The following SLC25A48 variants were observed in gnomAD, a reference collection of about 807,000 sequenced individuals.
SLC25A48 encodes the protein CTC-321K16.1.
SLC25A48 carries 29 observed loss-of-function variants against 32.2 expected under a neutral mutation model. That is an observed-to-expected ratio of 0.90 (90% confidence interval 0.67 to 1.23). SLC25A48 has a LOEUF of 1.23. Among genes scored for constraint, SLC25A48 ranks in the 50% most tolerant of loss-of-function variants. The pLI is 0.00. For missense variants in SLC25A48, 399 were observed against 422.7 expected (o/e 0.94, Z 0.49); for synonymous variants, 164 against 172.3 (o/e 0.95, Z 0.38).
chr5:135,707,517 C>T (rs1274384237), intron 3 of SLC25A48, among the ~76,000 whole-genome samples: 1 of 152,148 alleles, frequency 6.6e-6, no homozygotes, highest in South Asian at 2.1e-4. Flanking sequence ...AGACTCCCGC[C>T]GCCCCCGCCC....
chr5:135,579,847 C>T (rs1460852051), intron 1 of SLC25A48, among the ~76,000 whole-genome samples: 1 of 152,252 alleles, frequency 6.6e-6, no homozygotes, highest in African/African-American at 2.4e-5. Flanking sequence ...TGCCAGAATG[C>T]GAGGTATAGT....
intron 1 of SLC25A48, among the ~76,000 whole-genome samples, chr5:135,614,860 C>T (rs904165282): frequency 1.6e-4 from 24 of 152,254 alleles, no homozygotes; most frequent in African/African-American, 5.8e-4. Flanking sequence ...AGATTTCACC[C>T]TTTCTGTTCT....
intron 3 of SLC25A48, among the ~76,000 whole-genome samples, chr5:135,726,480 C>G (rs1755091992): frequency 6.6e-6 from 1 of 152,180 alleles, no homozygotes; most frequent in Admixed American, 6.5e-5. Context: ...TGCCTCCATT[C>G]CTTCTTAACC....
rs553877390 is a variant in SLC25A48 at position 135,584,676 on chromosome 5, C to A, written c.-849+5079C>A. 5.9e-5 allele frequency among the ~76,000 whole-genome samples: 9 copies of A among 152,248 alleles called. 1 individual carries two copies. The East Asian group carries it at 1.7e-3, about 29-fold the overall frequency. On this transcript the variant is annotated intron_variant, in intron 1 of 10. Transcript: ENST00000646290. ...TAAAATTCTCATAATGGAGAAATAC[C>A]ACATGCAAAGCTAGTCCTTGTTAAA...
chr5:135,745,710 T>C (rs1755622115), intron 3 of SLC25A48, among the ~76,000 whole-genome samples: 1 of 152,190 alleles, frequency 6.6e-6, no homozygotes, highest in Non-Finnish European at 1.5e-5. Flanking sequence ...ATATTTCCCC[T>C]GTTAAGCTAA....
At chr5:135,694,692 A>G (rs968126558) in intron 3 of SLC25A48, among the ~76,000 whole-genome samples, 1 of 151,966 alleles carries the variant, frequency 6.6e-6, no homozygotes, top group Non-Finnish European at 1.5e-5. Context: ...AGTTCAAGCA[A>G]TTCTCCTGCT....
intron 1 of SLC25A48, among the ~76,000 whole-genome samples, chr5:135,625,249 A>G (rs1752418240): frequency 6.6e-6 from 1 of 152,100 alleles, no homozygotes; most frequent in African/African-American, 2.4e-5. Flanking sequence ...CAGGAGGACA[A>G]AAGGCATGGG....
chr5:135,797,878 C>A (rs1438681929), intron 3 of SLC25A48, among the ~76,000 whole-genome samples: 1 of 151,706 alleles, frequency 6.6e-6, no homozygotes, highest in Non-Finnish European at 1.5e-5. Flanking sequence ...TACACCCCTT[C>A]TGTGATATGG....
intron 1 of SLC25A48, among the ~76,000 whole-genome samples, chr5:135,613,954 A>T (rs1752130144): frequency 6.6e-6 from 1 of 152,084 alleles, no homozygotes; most frequent in Non-Finnish European, 1.5e-5. Flanking sequence ...GAATTTTAGG[A>T]TTGTTTTTTC....
rs192032464 is a variant in SLC25A48, at chr5:135,639,269, G to A, written c.-521+4313G>A. 7.7e-3 allele frequency among the ~76,000 whole-genome samples: 1,168 copies of A among 152,330 alleles called. 11 individuals carry two copies. The highest frequency in any genetic ancestry group is 0.014 in the Middle Eastern group (4 of 294). On this transcript the variant is annotated intron_variant, in intron 3 of 10. Coordinates refer to the SLC25A48 transcript ENST00000646290. Reference sequence around the variant, plus strand: ...TTTGTGCATAAAGGGCTATAGTACAGCAAGGGAGATGCCAGACAATGAAAA... The same window carrying A: ...TTTGTGCATAAAGGGCTATAGTACAACAAGGGAGATGCCAGACAATGAAAA...
chr5:135,637,067 T>G (rs1307194355), intron 3 of SLC25A48, among the ~76,000 whole-genome samples: 1 of 152,244 alleles, frequency 6.6e-6, no homozygotes. Context: ...ATTTGTTTAA[T>G]AGCCATTTAG....
chr5:135,597,188 C>A (rs1177131035), intron 1 of SLC25A48, among the ~76,000 whole-genome samples: 2 of 152,076 alleles, frequency 1.3e-5, no homozygotes, highest in African/African-American at 4.8e-5. Flanking sequence ...TAGAGTAGTG[C>A]CAGGCACATA....
chr5:135,679,464 A>C (rs1753842630), intron 3 of SLC25A48, among the ~76,000 whole-genome samples: 2 of 152,170 alleles, frequency 1.3e-5, no homozygotes, highest in Admixed American at 1.3e-4. Context: ...CAGCCCTGCT[A>C]CTGGGGAGAG....
At chr5:135,752,179 C>G (rs1470604564) in intron 3 of SLC25A48, among the ~76,000 whole-genome samples, 3 of 152,114 alleles carry the variant, frequency 2.0e-5, no homozygotes, top group Non-Finnish European at 2.9e-5. Flanking sequence ...CAAATAAAAT[C>G]TCATCAAAAT....
intron 3 of SLC25A48, among the ~76,000 whole-genome samples, chr5:135,651,641 C>A (rs921804111): frequency 4.6e-5 from 7 of 152,186 alleles, no homozygotes; most frequent in South Asian, 2.1e-4. Flanking sequence ...TTCTTTAACT[C>A]TTACCAGAGT....
At chr5:135,786,839 G>A (rs1756860999) in intron 3 of SLC25A48, among the ~76,000 whole-genome samples, 1 of 150,860 alleles carries the variant, frequency 6.6e-6, no homozygotes, top group Non-Finnish European at 1.5e-5. Flanking sequence ...ATGTGTTTAT[G>A]CCCTGTGATA....
intron 2 of SLC25A48, among the ~76,000 whole-genome samples, chr5:135,846,140 T>A (rs545995870): frequency 6.6e-6 from 1 of 152,298 alleles, no homozygotes; most frequent in South Asian, 2.1e-4. Flanking sequence ...GAACTGCGCA[T>A]GCGAGGGATC....
chr5:135,728,868 A>ACC (rs1354395934), intron 3 of SLC25A48, among the ~76,000 whole-genome samples: 1 of 151,010 alleles, frequency 6.6e-6, no homozygotes. Context: ...ACACACACAC[A>ACC]CACACACACA....
chr5:135,876,047 T>A (rs1762004393), intron 6 of SLC25A48: 2 of 151,880 alleles, frequency 1.3e-5, no homozygotes, highest in Admixed American at 1.3e-4. Flanking sequence ...TTTTTTAAAT[T>A]TTTAACAAGA....
Sources: gnomAD v4.1 joint callset for allele counts (sites outside exome capture counted in the v4.1 genomes callset) on GRCh38, gnomAD v4.1.1 for gene constraint, MANE v1.5 for transcripts, NCBI Gene and HGNC (gene_info 2026-07-23, HGNC 2026-07-21) for gene names.